The following ZFR variants were observed in gnomAD, a reference collection of about 807,000 sequenced individuals.
ZFR encodes the protein zinc finger RNA binding protein, also known as zinc finger RNA-binding protein.
Under a neutral mutation model 130.7 loss-of-function variants are expected in ZFR, and 19 were observed. The observed-to-expected ratio is 0.15, with a 90% CI of 0.10 to 0.21. ZFR has a LOEUF of 0.21. Among genes scored for constraint, ZFR ranks in the 10% least tolerant of loss-of-function variants. The pLI, the probability that ZFR is intolerant of heterozygous loss-of-function variation, is 1.00. For missense variants in ZFR, 872 were observed against 1,321.5 expected, an observed-to-expected ratio of 0.66 and a Z score of 5.27; for synonymous variants, 466 against 456.9, an observed-to-expected ratio of 1.02 and a Z score of -0.25.
chr5:32,410,283 C>CAA (rs3065266), intron 5 of ZFR, among the ~76,000 whole-genome samples: 18,618 of 109,886 alleles, frequency 0.17, 2,977 homozygotes, highest in East Asian at 0.28. Context: ...ACACTGTCTC[C>CAA]AAAAAAAAAA....
intron 10 of ZFR, 60 bp downstream of exon 10, chr5:32,397,159 C>T: frequency 6.5e-7 from 1 of 1,542,070 alleles, no homozygotes; most frequent in Non-Finnish European, 8.7e-7. Flanking sequence ...AAAGAATGCT[C>T]TGGGTGTTTT....
intron 17 of ZFR, among the ~76,000 whole-genome samples, chr5:32,371,416 T>G (rs1306913376): frequency 1.3e-5 from 2 of 151,938 alleles, no homozygotes; most frequent in Admixed American, 1.3e-4. Flanking sequence ...CAGGAAAAAA[T>G]GTAATAGCTT....
At chr5:32,401,299 G>A (rs1189025013) in intron 8 of ZFR, among the ~76,000 whole-genome samples, 1 of 152,144 alleles carries the variant, frequency 6.6e-6, no homozygotes, top group Non-Finnish European at 1.5e-5. Flanking sequence ...TCCAATTTAT[G>A]GGAAGATACA....
rs1488815139 is a variant in ZFR at position 32,403,815 on chromosome 5, G to A, written c.1224+91C>T. The stretch of plus-strand genomic sequence containing the variant: ...GCTTATAATGCACTTAAAAGTTTTC[G>A]AACTTTGAAGTTACCTTTACCTAAC... On this transcript the variant is annotated intron_variant, in intron 7 of 19. Transcript: ENST00000265069. 4.7e-6 allele frequency: 6 copies of A among 1,288,888 alleles called. No individual in the cohort carries two copies. In the Admixed American group the frequency reaches 8.1e-5, roughly 17 times the overall value. The allele number at this position is 1,288,888 out of a possible 1,614,324, so 79.8% of individuals were successfully genotyped here. A position where few individuals can be genotyped will look rare whatever the true frequency, so the allele number is the denominator to read the frequency against.
At chr5:32,416,498 C>T (rs1383338472) in intron 4 of ZFR, among the ~76,000 whole-genome samples, 1 of 151,898 alleles carries the variant, frequency 6.6e-6, no homozygotes, top group Non-Finnish European at 1.5e-5. Context: ...CCTGTAATCC[C>T]AGCTACTTGA....
In ZFR at chr5:32,355,689, A is replaced by C; in HGVS notation, c.*71T>G. 1 of 1,367,142 alleles carries C rather than the reference A, an allele frequency of 7.3e-7. No individual in the cohort carries two copies. The highest frequency in any genetic ancestry group is 9.9e-7 in the Non-Finnish European group (1 of 1,013,328). The allele number at this position is 1,367,142 out of a possible 1,614,324, so 84.7% of individuals were successfully genotyped here. ...TCTTGATAAATTTTTCAATGTAGAC[A>C]TTATTATGAATGAAAAACAGCCAAC... On this transcript the variant is annotated 3_prime_UTR_variant, in exon 20 of 20. Coordinates refer to ENST00000265069, the MANE Select transcript of ZFR (RefSeq NM_016107.5).
At chr5:32,415,515 T>TGCGCGC (rs70961629) in intron 4 of ZFR, among the ~76,000 whole-genome samples, 195 of 97,974 alleles carry the variant, frequency 2.0e-3, no homozygotes, top group Middle Eastern at 8.6e-3. Flanking sequence ...TGTGTGTGTG[T>TGCGCGC]GCGCGCGCGC....
At chr5:32,428,093 CA>C (rs1341913809) in intron 2 of ZFR, among the ~76,000 whole-genome samples, 1 of 152,000 alleles carries the variant, frequency 6.6e-6, no homozygotes, top group Non-Finnish European at 1.5e-5. Flanking sequence ...AAAGCACAGG[CA>C]AAAAATTAGA....
chr5:32,424,851 G>A (rs1372491282), intron 2 of ZFR, among the ~76,000 whole-genome samples: 1 of 152,162 alleles, frequency 6.6e-6, no homozygotes, highest in Non-Finnish European at 1.5e-5. Context: ...TATGATTACA[G>A]AATATAATGT....
At position 32,387,772 on chromosome 5, in the gene ZFR, T is replaced by C. The variant is rs150864165; in HGVS notation, c.2349-73A>G. The stretch of plus-strand genomic sequence containing the variant: ...AGCATGATATTCTGTAAACATACAA[T>C]AGTAAGTGAAATAACTTTTGTGCCA... On this transcript the variant is annotated intron_variant, in intron 13 of 19. Coordinates refer to ENST00000265069, the MANE Select transcript of ZFR (RefSeq NM_016107.5). 8.5e-5 allele frequency: 117 copies of C among 1,383,096 alleles called. No homozygotes were observed. The African/African-American group carries it at 1.4e-3, about 16-fold the overall frequency. 85.7% of individuals were successfully genotyped at this position (1,383,096 alleles called of 1,614,324 possible).
intron 10 of ZFR, among the ~76,000 whole-genome samples, chr5:32,395,572 T>G (rs1423695674): frequency 6.6e-6 from 1 of 152,210 alleles, no homozygotes; most frequent in African/African-American, 2.4e-5. Flanking sequence ...AATTTTACTT[T>G]ACATTTGACC....
chr5:32,442,564 CAG>C (rs796190315), intron 2 of ZFR, among the ~76,000 whole-genome samples: 6 of 152,340 alleles, frequency 3.9e-5, no homozygotes, highest in African/African-American at 1.4e-4. Flanking sequence ...TTTGTCATCT[CAG>C]TGCTTTTTCT....
chr5:32,427,797 G>C (rs1032375456), intron 2 of ZFR, among the ~76,000 whole-genome samples: 2 of 152,176 alleles, frequency 1.3e-5, no homozygotes, highest in African/African-American at 4.8e-5. Flanking sequence ...AAATAGAATA[G>C]AGGACCCAGA....
intron 11 of ZFR, among the ~76,000 whole-genome samples, chr5:32,391,090 A>T (rs1050484034): frequency 2.0e-5 from 3 of 152,234 alleles, no homozygotes; most frequent in Admixed American, 6.5e-5. Flanking sequence ...CGTTCCAGAA[A>T]GAAACAATTC....
intron 5 of ZFR, among the ~76,000 whole-genome samples, chr5:32,408,372 T>C (rs1245720479): frequency 6.6e-6 from 1 of 151,730 alleles, no homozygotes; most frequent in Non-Finnish European, 1.5e-5. Flanking sequence ...TGTTGGCCTC[T>C]GTTGTCCTTA....
In ZFR at chr5:32,392,334, A is replaced by C. The variant is rs556913558; in HGVS notation, c.1980-1897T>G. Among the ~76,000 whole-genome samples the C allele has an allele frequency of 7.2e-5, 11 of 152,364 alleles. No homozygotes were observed. The South Asian group carries it at 2.3e-3, about 32-fold the overall frequency. On this transcript the variant is annotated intron_variant, in intron 11 of 19. Transcript: ENST00000265069. ...GGAAAGCACTGTATAATCTAGCTAT[A>C]GAAGAGAATTCCCAATATGTTACAA...
intron 14 of ZFR, among the ~76,000 whole-genome samples, chr5:32,386,327 C>A (rs1383660195): frequency 1.3e-5 from 2 of 152,030 alleles, no homozygotes; most frequent in Non-Finnish European, 2.9e-5. Context: ...TTAAATGAAT[C>A]AACTATATAA....
At chr5:32,376,775 T>C (rs1020483985) in intron 17 of ZFR, among the ~76,000 whole-genome samples, 5 of 152,022 alleles carry the variant, frequency 3.3e-5, no homozygotes, top group Non-Finnish European at 7.4e-5. Flanking sequence ...TCACCCAAGG[T>C]TAGCAGTTTG....
chr5:32,391,007 T>C (rs1034507521), intron 11 of ZFR, among the ~76,000 whole-genome samples: 1 of 152,204 alleles, frequency 6.6e-6, no homozygotes, highest in Non-Finnish European at 1.5e-5. Context: ...GGGAATACAA[T>C]AGTCCCCACC....
Sources: allele counts gnomAD v4.1 joint callset (sites outside exome capture counted in the v4.1 genomes callset), GRCh38; gene constraint gnomAD v4.1.1; transcripts MANE v1.5; gene names NCBI Gene and HGNC (gene_info 2026-07-23, HGNC 2026-07-21).